ZCCHC2: variants seen among roughly 807,000 people sequenced by gnomAD.
ZCCHC2 encodes zinc finger CCHC domain-containing protein 2.
Under a neutral mutation model 103.6 loss-of-function variants are expected in ZCCHC2, and 39 were observed. The observed-to-expected ratio is 0.38, with a 90% CI of 0.29 to 0.49. The LOEUF is 0.49. ZCCHC2 is among the 20% of genes least tolerant of loss of function. The probability of loss-of-function intolerance (pLI) is 0.96; values close to 1 mark genes in which losing one functional copy is unlikely to be tolerated. For missense variants in ZCCHC2, 1,483 were observed against 1,491.0 expected, an observed-to-expected ratio of 0.99 and a Z score of 0.09; for synonymous variants, 687 against 608.9, an observed-to-expected ratio of 1.13 and a Z score of -1.89.
At chr18:62,526,840 G>C (rs1052912967) in intron 1 of ZCCHC2, 2 of 151,578 alleles carry the variant, frequency 1.3e-5, no homozygotes, top group Admixed American at 6.6e-5. Flanking sequence ...CCACGTGACC[G>C]GCGCGCCGGC....
rs1568531982 is a variant in ZCCHC2, at chr18:62,523,834, T to G, written c.410T>G (p.Leu137Arg). The G allele has an allele frequency of 1.9e-6, 3 of 1,544,740 alleles. No individual in the cohort carries two copies. Among genetic ancestry groups the G allele is most frequent in the Admixed American group, 2.0e-5 (1 of 50,954 alleles). ...LRFLGSCLED[L>R]ARKDYHYLRD... is the part of the protein sequence containing the mutation. ...TTCCTTGGCTCGTGCCTGGAGGACC[T>G]GGCGCGCAAGGACTACCACTACCTG... Residue 137 changes from leucine to arginine, a missense_variant, in exon 1 of 14, where the codon CTG becomes CGG. Leu to Arg is a moderately radical substitution (Grantham distance 102). Coordinates refer to ENST00000269499, the MANE Select transcript of ZCCHC2 (RefSeq NM_017742.6).
chr18:62,535,573 C>T (rs1914886262), intron 1 of ZCCHC2, among the ~76,000 whole-genome samples: 1 of 152,170 alleles, frequency 6.6e-6, no homozygotes, highest in African/African-American at 2.4e-5. Flanking sequence ...TCCCTAGACC[C>T]CTCTCCTCTC....
chr18:62,575,447 T>A lies in ZCCHC2; in HGVS notation c.3366T>A (p.Gly1122=). 6.2e-7 allele frequency: 1 copy of A among 1,614,002 alleles called. No individual in the cohort carries two copies. Among genetic ancestry groups the A allele is most frequent in the Non-Finnish European group, 8.5e-7 (1 of 1,179,886 alleles). The stretch of plus-strand genomic sequence containing the variant: ...CTAACGTAGTTGCCAACACCAGTGG[T>A]TCGGGGCCCAAGAAGAATGGGAATG... ...PAPNVVANTS[G]SGPKKNGNVS... The change falls in exon 13 of 14, where the codon GGT becomes GGA. Residue 1122 remains glycine, a synonymous_variant. Coordinates refer to ENST00000269499, the MANE Select transcript of ZCCHC2 (RefSeq NM_017742.6).
chr18:62,574,847 C>T lies in ZCCHC2; in HGVS notation c.2766C>T (p.Pro922=), dbSNP rs372653415. 2.1e-4 allele frequency: 334 copies of T among 1,613,824 alleles called. No individual in the cohort carries two copies. Among genetic ancestry groups the T allele is most frequent in the Non-Finnish European group, 2.8e-4 (326 of 1,179,904 alleles). ...CTTCCTACCCCTTACCAGGCTCTCCCCTTGCTGCCGGCGTGTTACCCAGCC... is the reference window on the plus strand; with the variant it reads ...CTTCCTACCCCTTACCAGGCTCTCCTCTTGCTGCCGGCGTGTTACCCAGCC... ...PPASYPLPGS[P]LAAGVLPSQN... is the part of the protein sequence containing the mutation. Residue 922 remains proline, a synonymous_variant, in exon 13 of 14, where the codon CCC becomes CCT. Transcript: ENST00000269499.
At chr18:62,556,521 C>T (rs1408697647) in intron 6 of ZCCHC2, among the ~76,000 whole-genome samples, 3 of 152,198 alleles carry the variant, frequency 2.0e-5, no homozygotes, top group Admixed American at 2.0e-4. Flanking sequence ...GCCTGAGTCT[C>T]TCTAGTCTTT....
intron 3 of ZCCHC2, among the ~76,000 whole-genome samples, chr18:62,544,334 C>T (rs573711330): frequency 2.0e-5 from 3 of 152,268 alleles, no homozygotes; most frequent in South Asian, 2.1e-4. Flanking sequence ...GAAATCTCTT[C>T]GAACCATAAA....
intron 1 of ZCCHC2, among the ~76,000 whole-genome samples, chr18:62,537,019 T>A (rs564075184): frequency 6.6e-6 from 1 of 152,280 alleles, no homozygotes; most frequent in East Asian, 1.9e-4. Context: ...AAATTCTCAT[T>A]TTCTCCTTTT....
intron 10 of ZCCHC2, 104 bp from the exon 11 acceptor site, chr18:62,564,898 T>C: frequency 2.4e-6 from 2 of 846,884 alleles, no homozygotes; most frequent in Non-Finnish European, 3.6e-6. Flanking sequence ...TATTCCTTAC[T>C]AAAAAAATTT....
chr18:62,523,551 C>T lies in ZCCHC2; in HGVS notation c.127C>T (p.Pro43Ser). Residue 43 changes from proline (P) to serine (S), a missense_variant, in exon 1 of 14, where the codon CCC becomes TCC. Transcript: ENST00000269499. ...TTCGCGCCGCCGCCGCGACTGCCGC[C>T]CCCCGCCGCCGCCGCCGCCGCCCGC... ...APSRRRRDCR[P>S]PPPPPPPAGP... 1 of 910,210 alleles carries T rather than the reference C, an allele frequency of 1.1e-6. No individual in the cohort carries two copies. The highest frequency in any genetic ancestry group is 1.0e-4 in the Admixed American group (1 of 9,616). 56.4% of individuals were successfully genotyped at this position (910,210 alleles called of 1,614,324 possible).
intron 5 of ZCCHC2, 76 bp downstream of exon 5, chr18:62,550,536 G>A: frequency 9.7e-7 from 1 of 1,031,014 alleles, no homozygotes; most frequent in Non-Finnish European, 1.5e-6. Flanking sequence ...GTCTTCAGGT[G>A]GGGGAATCAT....
At chr18:62,532,579 T>A (rs751679223) in intron 1 of ZCCHC2, among the ~76,000 whole-genome samples, 3 of 152,216 alleles carry the variant, frequency 2.0e-5, no homozygotes, top group Non-Finnish European at 2.9e-5. Flanking sequence ...ATATCCCCCC[T>A]TTCATTCTAG....
intron 8 of ZCCHC2, among the ~76,000 whole-genome samples, chr18:62,562,725 C>T (rs913396306): frequency 1.3e-5 from 2 of 152,170 alleles, no homozygotes; most frequent in Non-Finnish European, 2.9e-5. Context: ...GTTGTATAAG[C>T]CTCTCTGTCC....
chr18:62,562,995 CTT>C lies in ZCCHC2; in HGVS notation c.1551-11_1551-10del. 2.5e-6 allele frequency: 4 copies of C among 1,598,136 alleles called. No individual in the cohort carries two copies. The highest frequency in any genetic ancestry group is 3.4e-6 in the Non-Finnish European group (4 of 1,167,066). ...GGGCAGATTTTCACACTTTCATAAA[CTT>C]TTCTTTGGTAGCAATATTGGTACAA... On this transcript the variant is annotated splice_polypyrimidine_tract_variant and intron_variant, in intron 8 of 13. Coordinates refer to ENST00000269499, the MANE Select transcript of ZCCHC2 (RefSeq NM_017742.6).
intron 1 of ZCCHC2, among the ~76,000 whole-genome samples, chr18:62,528,997 T>C (rs1239574360): frequency 1.3e-5 from 2 of 151,844 alleles, no homozygotes; most frequent in African/African-American, 2.4e-5. Context: ...CTATCTCTAC[T>C]AAAAATATAA....
intron 1 of ZCCHC2, 77 bp from the exon 2 acceptor site, chr18:62,539,604 A>G: frequency 7.6e-7 from 1 of 1,320,414 alleles, no homozygotes; most frequent in Non-Finnish European, 1.1e-6. Flanking sequence ...TTGTTAGTAA[A>G]ATGAGAAGAC....
At chr18:62,524,714 T>C (rs112969523) in intron 1 of ZCCHC2, 3,978 of 268,752 alleles carry the variant, frequency 0.015, 74 homozygotes, top group Middle Eastern at 0.055. Context: ...ATCTCAGCGC[T>C]CGGTGCGGGA....
At chr18:62,563,222 T>C (rs1418953393) in intron 9 of ZCCHC2, 78 bp downstream of exon 9, 1 of 1,509,792 alleles carries the variant, frequency 6.6e-7, no homozygotes, top group African/African-American at 1.4e-5. Flanking sequence ...TTCTGTAAGC[T>C]TTCAGTCAGA....
chr18:62,567,965 C>A, intron 11 of ZCCHC2, among the ~76,000 whole-genome samples: 1 of 59,028 alleles, frequency 1.7e-5, no homozygotes, highest in Admixed American at 1.6e-4. Context: ...AAAAAGAATG[C>A]TCATCATTGT....
At chr18:62,573,532 AG>A (rs1916672411) in intron 12 of ZCCHC2, among the ~76,000 whole-genome samples, 1 of 152,224 alleles carries the variant, frequency 6.6e-6, no homozygotes, top group African/African-American at 2.4e-5. Context: ...TGAAATATTT[AG>A]TATTAAGAAT....
Sources: allele counts gnomAD v4.1 joint callset (sites outside exome capture counted in the v4.1 genomes callset), GRCh38; gene constraint gnomAD v4.1.1; transcripts MANE v1.5; gene names NCBI Gene and HGNC (gene_info 2026-07-23, HGNC 2026-07-21).